Variants in DNMBP observed in about 807,000 individuals in gnomAD.
DNMBP encodes the protein dynamin binding protein.
A neutral mutation model predicts 150.0 loss-of-function variants in DNMBP; 87 were observed. The ratio of observed to expected loss-of-function variants is 0.58; its 90% CI spans 0.49 to 0.69. DNMBP has a LOEUF of 0.69. Among genes scored for constraint, DNMBP ranks in the 30% least tolerant of loss-of-function variants. DNMBP has a pLI of 0.00. For missense variants in DNMBP, 1,774 were observed against 1,949.0 expected, an observed-to-expected ratio of 0.91 and a Z score of 1.69; for synonymous variants, 711 against 750.4, an observed-to-expected ratio of 0.95 and a Z score of 0.86.
chr10:99,933,363 C>T (rs1180903218), intron 4 of DNMBP, among the ~76,000 whole-genome samples: 1 of 152,136 alleles, frequency 6.6e-6, no homozygotes, highest in Non-Finnish European at 1.5e-5. Context: ...CTCTAAAGTA[C>T]TTTCCAGGTT....
intron 16 of DNMBP, among the ~76,000 whole-genome samples, chr10:99,878,502 G>A (rs17112362): frequency 0.032 from 4,840 of 152,270 alleles, 84 homozygotes; most frequent in South Asian, 0.086. Context: ...TGTTTGACCC[G>A]GGAAGTAGGT....
Position 99,888,843 on chromosome 10 carries a change from G to A in DNMBP, c.3267C>T (p.Asp1089=), listed in dbSNP as rs1387843685. Residue 1089 remains aspartate (D), a synonymous_variant, in exon 12 of 17, where the codon GAC becomes GAT. Transcript: ENST00000324109. ...TACTTACAAAGTTTGTGAAGAGCTG[G>A]TCACTGATGTAGCGATGCACCCTCT... is the stretch of plus-strand genomic sequence containing the variant. The part of the protein sequence containing the change: ...QFERVHRYIS[D]QLFTNFKERT... The A allele has an allele frequency of 6.2e-7, 1 of 1,614,060 alleles. No homozygotes were observed. The highest frequency in any genetic ancestry group is 1.1e-5 in the South Asian group (1 of 91,070).
intron 1 of DNMBP, among the ~76,000 whole-genome samples, chr10:99,996,652 T>C (rs1401402498): frequency 1.3e-5 from 2 of 152,206 alleles, no homozygotes; most frequent in East Asian, 1.9e-4. Context: ...TTATAATAAA[T>C]TTATTGAATG....
At chr10:99,932,667 T>A (rs2133289594) in intron 4 of DNMBP, among the ~76,000 whole-genome samples, 1 of 148,734 alleles carries the variant, frequency 6.7e-6, no homozygotes. Context: ...ACCATTTTAT[T>A]CCTAATGCAT....
chr10:99,908,335 T>G (rs921178322), intron 5 of DNMBP, among the ~76,000 whole-genome samples: 1 of 152,200 alleles, frequency 6.6e-6, no homozygotes, highest in Admixed American at 6.5e-5. Flanking sequence ...ATGGAACCAA[T>G]TTGGCCTACA....
Position 99,956,269 on chromosome 10 carries a change from G to A in DNMBP, c.1205C>T (p.Thr402Ile). The change falls in exon 4 of 17, where the codon ACA becomes ATA. Residue 402 changes from threonine (T) to isoleucine (I), a missense_variant. Physicochemically the swap from Thr to Ile is moderately conservative, Grantham distance 89. Around this residue, in one of 2 missense-constraint regions of DNMBP, gnomAD observed 1,430 missense variants for 1,492.5 expected, o/e 0.96. Transcript: ENST00000324109. ...ATTGACTACTTCTGTAGGGTCAGAT[G>A]TGGGAGAGTCTGTGGCAAGAGGCAT... ...WEMPLATDSP[T>I]SDPTEVVNGI... is the part of the protein sequence containing the mutation. The A allele has an allele frequency of 2.5e-6, 4 of 1,613,882 alleles. No homozygotes were observed. The highest frequency in any genetic ancestry group is 3.4e-6 in the Non-Finnish European group (4 of 1,179,982).
intron 4 of DNMBP, among the ~76,000 whole-genome samples, chr10:99,949,739 T>TA (rs1003814499): frequency 2.6e-5 from 4 of 152,092 alleles, no homozygotes; most frequent in African/African-American, 9.7e-5. Context: ...GCAATTTTTT[T>TA]AAAAAGTCAG....
chr10:99,888,696 G>T, intron 12 of DNMBP, 129 bp downstream of exon 12: 1 of 1,076,402 alleles, frequency 9.3e-7, no homozygotes, highest in Non-Finnish European at 1.3e-6. Flanking sequence ...ACCCCAATAT[G>T]AATATAGCTA....
At chr10:99,898,673 T>C in intron 8 of DNMBP, 70 bp downstream of exon 8, 1 of 1,526,664 alleles carries the variant, frequency 6.6e-7, no homozygotes, top group Non-Finnish European at 9.0e-7. Flanking sequence ...AAAATACAGT[T>C]GCTTAAGAGT....
intron 4 of DNMBP, among the ~76,000 whole-genome samples, chr10:99,943,101 A>G (rs995754395): frequency 2.6e-5 from 4 of 152,136 alleles, no homozygotes; most frequent in Non-Finnish European, 5.9e-5. Flanking sequence ...CCTGGCCAAC[A>G]TGGCAAAGCC....
Position 99,877,089 on chromosome 10 carries a change from C to G in DNMBP, c.*62G>C. 1.7e-5 allele frequency: 23 copies of G among 1,377,032 alleles called. No homozygotes were observed. The highest frequency in any genetic ancestry group is 3.6e-5 in the African/African-American group (2 of 55,062). The allele number at this position is 1,377,032 out of a possible 1,614,324, so 85.3% of individuals were successfully genotyped here. The stretch of plus-strand genomic sequence containing the variant: ...AGGAGCAGGCGCCCTCTCGGTGGGC[C>G]GCCAGAACCCTCGGCGGACTGAAAG... On this transcript the variant is annotated 3_prime_UTR_variant, in exon 17 of 17. Transcript: ENST00000324109.
chr10:99,930,438 T>A (rs994506497), intron 4 of DNMBP: 1 of 702,890 alleles, frequency 1.4e-6, no homozygotes, highest in African/African-American at 1.7e-5. Context: ...GCTGAGACTC[T>A]CATAATCTAC....
At chr10:99,880,447 C>G in intron 15 of DNMBP, 86 bp from the exon 16 acceptor site, 1 of 1,417,624 alleles carries the variant, frequency 7.1e-7, no homozygotes, top group Non-Finnish European at 9.2e-7. Flanking sequence ...AAAAACTGAT[C>G]TAGGTTATTC....
intron 4 of DNMBP, among the ~76,000 whole-genome samples, chr10:99,928,974 C>A (rs779347875): frequency 3.3e-5 from 5 of 151,834 alleles, no homozygotes; most frequent in African/African-American, 4.8e-5. Flanking sequence ...TGAAACCCTG[C>A]CCCTACAAAA....
At position 99,876,613 on chromosome 10, in the gene DNMBP, T is replaced by C. The variant is rs1335332624; in HGVS notation, c.*538A>G. ...GGGCAGTATGTATGAGAATGTGTGC[T>C]GGACACTGGAGGTGTCCCAGGAGCT... On this transcript the variant is annotated 3_prime_UTR_variant, in exon 17 of 17. Transcript: ENST00000324109. 2 of 152,450 alleles carry C rather than the reference T, an allele frequency of 1.3e-5. No homozygotes were observed. Among genetic ancestry groups the C allele is most frequent in the Non-Finnish European group, 2.9e-5 (2 of 68,220 alleles). The allele number at this position is 152,450 out of a possible 1,614,324, so 9.4% of individuals were successfully genotyped here. A position where few individuals can be genotyped will look rare whatever the true frequency, so the allele number is the denominator to read the frequency against.
chr10:99,901,853 CT>C (rs2039744205), intron 6 of DNMBP, among the ~76,000 whole-genome samples: 1 of 152,164 alleles, frequency 6.6e-6, no homozygotes, highest in Non-Finnish European at 1.5e-5. Flanking sequence ...GGACTCACCT[CT>C]GTTCTCTCAC....
chr10:99,945,622 T>C (rs2040348287), intron 4 of DNMBP, among the ~76,000 whole-genome samples: 1 of 152,260 alleles, frequency 6.6e-6, no homozygotes, highest in Non-Finnish European at 1.5e-5. Context: ...GACACATGAT[T>C]CTGTACAGTG....
intron 1 of DNMBP, among the ~76,000 whole-genome samples, chr10:99,973,275 G>A (rs550479383): frequency 1.3e-5 from 2 of 151,990 alleles, no homozygotes; most frequent in Admixed American, 6.6e-5. Flanking sequence ...CATTTGGACC[G>A]CAAAGGAATT....
At chr10:99,898,680 G>C in intron 8 of DNMBP, 63 bp downstream of exon 8, 1 of 1,566,098 alleles carries the variant, frequency 6.4e-7, no homozygotes, top group Non-Finnish European at 8.8e-7. Flanking sequence ...AGTTGCTTAA[G>C]AGTTAGTTAG....
Sources: allele counts gnomAD v4.1 joint callset (sites outside exome capture counted in the v4.1 genomes callset), GRCh38; gene constraint gnomAD v4.1.1; regional missense constraint gnomAD v4.1.1; transcripts MANE v1.5; gene names NCBI Gene and HGNC (gene_info 2026-07-23, HGNC 2026-07-21).